Variants in DNAH9 observed in about 807,000 individuals in gnomAD.
The protein encoded by DNAH9 is dynein axonemal heavy chain 9.
A neutral mutation model predicts 471.6 loss-of-function variants in DNAH9; 345 were observed. The observed-to-expected ratio is 0.73, with a 90% CI of 0.67 to 0.80. The LOEUF (loss-of-function observed/expected upper bound fraction) is 0.80, where lower values mean the gene tolerates loss of function less well. Among genes scored for constraint, DNAH9 ranks in the 30% least tolerant of loss-of-function variants. DNAH9 has a pLI of 0.00. For synonymous variants in DNAH9, 2,093 were observed against 2,123.6 expected, an observed-to-expected ratio of 0.99 and a Z score of 0.40; for missense variants, 5,407 against 5,609.2, an observed-to-expected ratio of 0.96 and a Z score of 1.15.
rs1187109281 is a variant in DNAH9, at chr17:11,762,777, T to TTGTTTTTTTTG, written c.6996-662_6996-661insGTTTTTTTTGT. ...AGGTGCGTTTTTTTTTTTGTTTTTT[T>TTGTTTTTTTTG]TTTTTTTTTTTTTTTTTTTTGAGAT... On this transcript the variant is annotated intron_variant, in intron 35 of 68. Coordinates refer to ENST00000262442, the MANE Select transcript of DNAH9 (RefSeq NM_001372.4). 4.3e-3 allele frequency among the ~76,000 whole-genome samples: 488 copies of TTGTTTTTTTTG among 113,080 alleles called. 17 individuals carry two copies. Among genetic ancestry groups the TTGTTTTTTTTG allele is most frequent in the African/African-American group, 0.019 (456 of 24,008 alleles). The allele number at this position is 113,080 out of a possible 152,430, so 74.2% of individuals were successfully genotyped here.
intron 7 of DNAH9, among the ~76,000 whole-genome samples, chr17:11,632,275 T>C (rs998439976): frequency 6.6e-6 from 1 of 152,200 alleles, no homozygotes; most frequent in African/African-American, 2.4e-5. Flanking sequence ...TTCAGGGTTA[T>C]GTGAGCTGGT....
At position 11,894,438 on chromosome 17, in the gene DNAH9, A is replaced by G. The variant is rs903366673; in HGVS notation, c.11348A>G (p.Gln3783Arg). The G allele has an allele frequency of 6.2e-7, 1 of 1,614,184 alleles. No homozygotes were observed. The highest frequency in any genetic ancestry group is 8.5e-7 in the Non-Finnish European group (1 of 1,180,024). Residue 3783 changes from glutamine to arginine, a missense_variant, in exon 59 of 69, where the codon CAG (glutamine) becomes CGG (arginine). This residue lies in a region of DNAH9 where 4,636 missense variants were observed against 4,900.3 expected (regional missense o/e 0.95). Coordinates refer to ENST00000262442, the MANE Select transcript of DNAH9 (RefSeq NM_001372.4). ...GATTTCCTGCTTCGATCTCCAGTGC[A>G]GACGGGCACCGCCAGCCCCGTGGAG... The part of the protein sequence containing the change: ...ELDFLLRSPV[Q>R]TGTASPVEFL...
intron 8 of DNAH9, among the ~76,000 whole-genome samples, chr17:11,635,970 C>G (rs1316324325): frequency 2.0e-5 from 3 of 149,482 alleles, no homozygotes; most frequent in African/African-American, 7.4e-5. Flanking sequence ...TCTTTCTGTT[C>G]TAGGTTTTGT....
At chr17:11,689,429 G>C (rs1168592049) in intron 19 of DNAH9, 137 bp from the exon 20 acceptor site, 33 of 729,132 alleles carry the variant, frequency 4.5e-5, no homozygotes, top group Non-Finnish European at 7.3e-5. Flanking sequence ...TTCGTGAAAA[G>C]AATGTTTTTG....
chr17:11,630,685 G>C (rs1429725412), intron 7 of DNAH9, among the ~76,000 whole-genome samples: 1 of 152,078 alleles, frequency 6.6e-6, no homozygotes, highest in African/African-American at 2.4e-5. Context: ...TGCACGTTCT[G>C]CACATGTATC....
intron 49 of DNAH9, among the ~76,000 whole-genome samples, chr17:11,835,814 C>A (rs1382065571): frequency 4.6e-5 from 7 of 152,174 alleles, no homozygotes; most frequent in African/African-American, 1.7e-4. Flanking sequence ...AGTTCTAAAA[C>A]AACCTATGGC....
At chr17:11,644,219 C>T (rs977340368) in intron 10 of DNAH9, among the ~76,000 whole-genome samples, 1 of 152,132 alleles carries the variant, frequency 6.6e-6, no homozygotes, top group Non-Finnish European at 1.5e-5. Context: ...ATATGTTGAC[C>T]AAAATGCCAT....
At chr17:11,878,153 A>G (rs980148924) in intron 53 of DNAH9, among the ~76,000 whole-genome samples, 2 of 152,186 alleles carry the variant, frequency 1.3e-5, no homozygotes, top group East Asian at 3.9e-4. Context: ...AGACAGGTGT[A>G]TGTTCTTTTT....
At chr17:11,711,269 A>T (rs2074823403) in intron 26 of DNAH9, among the ~76,000 whole-genome samples, 1 of 152,148 alleles carries the variant, frequency 6.6e-6, no homozygotes, top group Non-Finnish European at 1.5e-5. Context: ...CCATCAGAAT[A>T]CAAGCTGTGG....
chr17:11,644,543 CTCT>C lies in DNAH9; in HGVS notation c.1902-83_1902-81del, dbSNP rs550831413. 66 of 941,102 alleles carry C rather than the reference CTCT, an allele frequency of 7.0e-5. No individual in the cohort carries two copies. The East Asian group carries it at 1.4e-3, about 21-fold the overall frequency. The allele number at this position is 941,102 out of a possible 1,614,324, so 58.3% of individuals were successfully genotyped here. On this transcript the variant is annotated intron_variant, in intron 10 of 68. Coordinates refer to ENST00000262442, the MANE Select transcript of DNAH9 (RefSeq NM_001372.4). Reference sequence around the variant, plus strand: ...GAAACGAGCCAAGGAGCTATTCACGCTCTTCTTTGGAGACTGCAGTTTGTTCCT... The same window carrying C: ...GAAACGAGCCAAGGAGCTATTCACGCTCTTTGGAGACTGCAGTTTGTTCCT...
At chr17:11,898,880 G>T (rs2151010096) in intron 59 of DNAH9, among the ~76,000 whole-genome samples, 1 of 152,324 alleles carries the variant, frequency 6.6e-6, no homozygotes, top group African/African-American at 2.4e-5. Context: ...GAAATGGATT[G>T]TTTGGTTCGC....
intron 22 of DNAH9, 65 bp downstream of exon 22, chr17:11,694,512 TTC>T: frequency 2.8e-5 from 44 of 1,577,148 alleles, no homozygotes; most frequent in Non-Finnish European, 3.8e-5. Context: ...AGGAGGCAGT[TTC>T]TGGCTCCCCA....
At position 11,834,620 on chromosome 17, in the gene DNAH9, C is replaced by T. The variant is rs758294227; in HGVS notation, c.9247-18C>T. 3.7e-5 allele frequency: 60 copies of T among 1,613,272 alleles called. No homozygotes were observed. The highest frequency in any genetic ancestry group is 1.6e-4 in the Middle Eastern group (1 of 6,084). On this transcript the variant is annotated intron_variant, in intron 48 of 68. Coordinates refer to ENST00000262442, the MANE Select transcript of DNAH9 (RefSeq NM_001372.4). ...TCCAGTCACAACTCCTGATAAGTCCCGTGCTTCTCCAATGCAGGTGGATGA... is the reference window on the plus strand; with the variant it reads ...TCCAGTCACAACTCCTGATAAGTCCTGTGCTTCTCCAATGCAGGTGGATGA...
In DNAH9 at chr17:11,962,613, T is replaced by C. The variant is rs945304972; in HGVS notation, c.13233+357T>C. ...ATTGTAAAAGTTAAACGAGCTAATATGTAAGACACTTGAACAGTGCCTGGC... is the reference window on the plus strand; with the variant it reads ...ATTGTAAAAGTTAAACGAGCTAATACGTAAGACACTTGAACAGTGCCTGGC... On this transcript the variant is annotated intron_variant, in intron 68 of 68. Transcript: ENST00000262442. The surrounding 1 kb of genome is among the most constrained non-coding windows in gnomAD (Gnocchi z 4.1). Among the ~76,000 whole-genome samples the C allele has an allele frequency of 6.6e-6, 1 of 152,112 alleles. No individual in the cohort carries two copies. The highest frequency in any genetic ancestry group is 2.4e-5 in the African/African-American group (1 of 41,422).
At chr17:11,762,020 A>G (rs1967694847) in intron 35 of DNAH9, among the ~76,000 whole-genome samples, 2 of 151,136 alleles carry the variant, frequency 1.3e-5, no homozygotes, top group Non-Finnish European at 3.0e-5. Context: ...TGAGCCCAAG[A>G]GAGTTGTGTT....
chr17:11,731,129 CGTT>C (rs2075261399), intron 28 of DNAH9, among the ~76,000 whole-genome samples: 1 of 129,878 alleles, frequency 7.7e-6, no homozygotes, highest in Non-Finnish European at 1.7e-5. Flanking sequence ...GCAGTGATGA[CGTT>C]GATAATGACA....
Position 11,905,843 on chromosome 17 carries a change from A to G in DNAH9, c.11749+34A>G, listed in dbSNP as rs754034514. 7 of 1,571,336 alleles carry G rather than the reference A, an allele frequency of 4.5e-6. No individual in the cohort carries two copies. In the Admixed American group the frequency reaches 1.3e-4, roughly 30 times the overall value. On this transcript the variant is annotated intron_variant, in intron 61 of 68. Transcript: ENST00000262442. ...GGCGTCCTCTTGGAGCCAGGGCTGC[A>G]TTTGCCCCATGCACTTTCATTCTTG...
chr17:11,810,407 C>A (rs746219237), intron 45 of DNAH9, 38 bp downstream of exon 45: 2 of 1,597,286 alleles, frequency 1.3e-6, no homozygotes. Flanking sequence ...CTGATAAATT[C>A]CCCCTGGAAT....
At chr17:11,836,708 C>T (rs999763538) in intron 49 of DNAH9, among the ~76,000 whole-genome samples, 5 of 152,144 alleles carry the variant, frequency 3.3e-5, no homozygotes, top group African/African-American at 7.2e-5. Context: ...ACCCAAATTG[C>T]GAAATCAACC....
Sources: gnomAD v4.1 joint callset for allele counts (sites outside exome capture counted in the v4.1 genomes callset) on GRCh38, gnomAD v4.1.1 for gene constraint, gnomAD v4.1.1 regional missense constraint, Gnocchi (gnomAD v3.1) non-coding constraint, MANE v1.5 for transcripts, NCBI Gene and HGNC (gene_info 2026-07-23, HGNC 2026-07-21) for gene names.